PKHD1L1: variants seen among roughly 807,000 people sequenced by gnomAD.
PKHD1L1 encodes PKHD1 like 1.
Under a neutral mutation model 462.9 loss-of-function variants are expected in PKHD1L1, and 434 were observed. The ratio of observed to expected loss-of-function variants is 0.94; its 90% CI spans 0.87 to 1.02. The LOEUF (loss-of-function observed/expected upper bound fraction) is 1.02, where lower values mean the gene tolerates loss of function less well. PKHD1L1 is among the 50% of genes least tolerant of loss of function. PKHD1L1 has a pLI of 0.00. For synonymous variants in PKHD1L1, 1,781 were observed against 1,750.0 expected (o/e 1.02, Z -0.44); for missense variants, 5,202 against 5,096.1 (o/e 1.02, Z -0.63).
rs995171208 is a variant in PKHD1L1, at chr8:109,438,208, T to C, written c.3628-116T>C. Reference sequence around the variant, plus strand: ...AATATATGAAAACTGACTCTGATCTTGACTTTGAAGTAAAACATCTTCAGA... The same window carrying C: ...AATATATGAAAACTGACTCTGATCTCGACTTTGAAGTAAAACATCTTCAGA... On this transcript the variant is annotated intron_variant, in intron 30 of 77. Transcript: ENST00000378402. 3 of 783,162 alleles carry C rather than the reference T, an allele frequency of 3.8e-6. No homozygotes were observed. In the African/African-American group the frequency reaches 5.4e-5, roughly 14 times the overall value. The allele number at this position is 783,162 out of a possible 1,614,324, so 48.5% of individuals were successfully genotyped here. A position where few individuals can be genotyped will look rare whatever the true frequency, so the allele number is the denominator to read the frequency against.
chr8:109,439,238 T>A, intron 32 of PKHD1L1, 146 bp downstream of exon 32: 1 of 717,256 alleles, frequency 1.4e-6, no homozygotes, highest in South Asian at 2.0e-5. Flanking sequence ...ATGCCGAGAA[T>A]ATCTCATACA....
rs1366445732 is a variant in PKHD1L1 at position 109,441,371 on chromosome 8, A to C, written c.4196A>C (p.Lys1399Thr). The C allele has an allele frequency of 6.5e-7, 1 of 1,541,136 alleles. No individual in the cohort carries two copies. The highest frequency in any genetic ancestry group is 8.9e-7 in the Non-Finnish European group (1 of 1,126,766). Residue 1399 changes from lysine (K) to threonine (T), a missense_variant, in exon 34 of 78, where the codon AAA becomes ACA. Physicochemically the swap from Lys to Thr is moderately conservative, Grantham distance 78 (BLOSUM62 -1). Transcript: ENST00000378402. ...ATATTCAGGATTACCAACAATGGGAAAGATTCAGGTATCAGCCATTTATAT... is the reference window on the plus strand; with the variant it reads ...ATATTCAGGATTACCAACAATGGGACAGATTCAGGTATCAGCCATTTATAT... Reference protein sequence around the residue: ...GNIFRITNNGKDSVHGLGYAW... With the variant: ...GNIFRITNNGTDSVHGLGYAW...
At chr8:109,468,405 T>C (rs1474181894) in intron 50 of PKHD1L1, among the ~76,000 whole-genome samples, 1 of 152,220 alleles carries the variant, frequency 6.6e-6, no homozygotes, top group Non-Finnish European at 1.5e-5. Flanking sequence ...GATTTTTTAT[T>C]TAGTTACTAA....
chr8:109,412,017 G>A (rs1296250179), intron 19 of PKHD1L1, among the ~76,000 whole-genome samples: 2 of 152,048 alleles, frequency 1.3e-5, no homozygotes, highest in East Asian at 1.9e-4. Context: ...ATAAATACCC[G>A]TAAAGAGCTC....
chr8:109,430,777 A>G (rs1316502283), intron 27 of PKHD1L1, among the ~76,000 whole-genome samples: 3 of 152,158 alleles, frequency 2.0e-5, no homozygotes. Flanking sequence ...TAAAATTTTA[A>G]AAGTAGTGCA....
chr8:109,375,062 G>A (rs779190076), intron 2 of PKHD1L1, among the ~76,000 whole-genome samples: 2 of 152,086 alleles, frequency 1.3e-5, no homozygotes, highest in African/African-American at 4.8e-5. Context: ...TGCTAGATTG[G>A]GGAAGTTCTC....
intron 38 of PKHD1L1, among the ~76,000 whole-genome samples, 177 bp downstream of exon 38, chr8:109,445,822 C>T (rs1816107536): frequency 1.3e-5 from 2 of 152,048 alleles, no homozygotes; most frequent in South Asian, 4.2e-4. Context: ...ATTTTTCACA[C>T]ATTTATGGGA....
chr8:109,514,453 T>A (rs982630751), intron 71 of PKHD1L1, among the ~76,000 whole-genome samples: 3 of 152,098 alleles, frequency 2.0e-5, no homozygotes, highest in African/African-American at 7.2e-5. Flanking sequence ...ATGGCTGAAA[T>A]AGGAACTCAA....
chr8:109,494,027 T>C (rs1818964095), intron 63 of PKHD1L1, among the ~76,000 whole-genome samples: 1 of 151,906 alleles, frequency 6.6e-6, no homozygotes, highest in Non-Finnish European at 1.5e-5. Flanking sequence ...AGTAAGTACC[T>C]CATCCCACCA....
intron 57 of PKHD1L1, among the ~76,000 whole-genome samples, chr8:109,483,533 ATATG>A (rs3035950): frequency 0.34 from 50,495 of 148,256 alleles, 8,868 homozygotes; most frequent in South Asian, 0.52. Context: ...ATATTAATAT[ATATG>A]TAAGTCATAA....
intron 32 of PKHD1L1, 121 bp downstream of exon 32, chr8:109,439,213 C>T (rs1815629049): frequency 2.3e-6 from 2 of 887,136 alleles, no homozygotes; most frequent in Non-Finnish European, 3.4e-6. Context: ...CTTCCTATAT[C>T]TTCTTTGGCA....
chr8:109,384,831 T>C (rs1279076007), intron 5 of PKHD1L1, among the ~76,000 whole-genome samples: 4 of 152,104 alleles, frequency 2.6e-5, no homozygotes, highest in African/African-American at 9.6e-5. Flanking sequence ...CTATTGACCA[T>C]TTGTATTCCT....
chr8:109,456,151 A>G lies in PKHD1L1; in HGVS notation c.6875-111A>G, dbSNP rs952053454. The G allele has an allele frequency of 1.7e-5, 19 of 1,140,928 alleles. 1 individual carries two copies. Among genetic ancestry groups the G allele is most frequent in the South Asian group, 1.1e-4 (6 of 54,616 alleles). The allele number at this position is 1,140,928 out of a possible 1,614,324, so 70.7% of individuals were successfully genotyped here. A position where few individuals can be genotyped will look rare whatever the true frequency, so the allele number is the denominator to read the frequency against. On this transcript the variant is annotated intron_variant, in intron 45 of 77. Transcript: ENST00000378402. The stretch of plus-strand genomic sequence containing the variant: ...AGAAATGTGTGAAATGCTAAGGTAA[A>G]ATGAGCCTCTCCAACATTGATTCAA...
rs749637785 is a variant in PKHD1L1 at position 109,498,780 on chromosome 8, A to C, written c.10828+9A>C. The C allele has an allele frequency of 1.9e-6, 3 of 1,565,016 alleles. No individual in the cohort carries two copies. In the East Asian group the frequency reaches 6.7e-5, roughly 35 times the overall value. On this transcript the variant is annotated intron_variant, in intron 67 of 77. Transcript: ENST00000378402. ...CCTTTTGGACATCTCAGGCAAGTAC[A>C]CAGTCTTTTACAAATCTTCTCAATT...
In PKHD1L1 at chr8:109,397,532, G is replaced by A. The variant is rs146681109; in HGVS notation, c.923-927G>A. ...TCTACAAAAAAAGAAAGAAAAAAAAGAAAAAAAAATTAGCTGGCATAGTGG... is the reference window on the plus strand; with the variant it reads ...TCTACAAAAAAAGAAAGAAAAAAAAAAAAAAAAAATTAGCTGGCATAGTGG... On this transcript the variant is annotated intron_variant, in intron 11 of 77. Transcript: ENST00000378402. Among the ~76,000 whole-genome samples the A allele has an allele frequency of 7.3e-5, 11 of 151,178 alleles. No homozygotes were observed. In the South Asian group the frequency reaches 2.1e-3, roughly 29 times the overall value.
At chr8:109,470,877 C>A in intron 50 of PKHD1L1, 2 of 1,534,570 alleles carry the variant, frequency 1.3e-6, no homozygotes, top group Non-Finnish European at 1.8e-6. Flanking sequence ...TCCTGAAATG[C>A]TAGAAACTGA....
chr8:109,423,152 A>C (rs1446561171), intron 23 of PKHD1L1, among the ~76,000 whole-genome samples: 1 of 152,056 alleles, frequency 6.6e-6, no homozygotes, highest in African/African-American at 2.4e-5. Flanking sequence ...TATGAGGCCA[A>C]ATTTATCACT....
intron 2 of PKHD1L1, among the ~76,000 whole-genome samples, chr8:109,376,155 C>A (rs951044962): frequency 6.6e-6 from 1 of 152,238 alleles, no homozygotes; most frequent in Non-Finnish European, 1.5e-5. Flanking sequence ...CCACCCAGTT[C>A]GAGCTTCCTG....
intron 67 of PKHD1L1, among the ~76,000 whole-genome samples, chr8:109,503,970 G>T (rs567768262): frequency 6.6e-6 from 1 of 152,118 alleles, no homozygotes; most frequent in Non-Finnish European, 1.5e-5. Context: ...ATGTATCCCA[G>T]GCTTACTCAT....
Sources: allele counts gnomAD v4.1 joint callset (sites outside exome capture counted in the v4.1 genomes callset), GRCh38; gene constraint gnomAD v4.1.1; transcripts MANE v1.5; gene names NCBI Gene and HGNC (gene_info 2026-07-23, HGNC 2026-07-21).